STYXL2: variants seen among roughly 807,000 people sequenced by gnomAD.
STYXL2 encodes the protein serine/threonine/tyrosine-interacting-like protein 2.
STYXL2 carries 44 observed loss-of-function variants against 52.4 expected under a neutral mutation model. The observed-to-expected ratio is 0.84, with a 90% CI of 0.66 to 1.08. The LOEUF (loss-of-function observed/expected upper bound fraction) is 1.08, where lower values mean the gene tolerates loss of function less well. Among genes scored for constraint, STYXL2 ranks in the 50% least tolerant of loss-of-function variants. The probability of loss-of-function intolerance (pLI) is 0.00; values close to 1 mark genes in which losing one functional copy is unlikely to be tolerated. For synonymous variants in STYXL2, 604 were observed against 586.9 expected, an observed-to-expected ratio of 1.03 and a Z score of -0.42; for missense variants, 1,604 against 1,471.7, an observed-to-expected ratio of 1.09 and a Z score of -1.47.
chr1:167,107,137 G>A (rs1281693613), intron 2 of STYXL2, among the ~76,000 whole-genome samples: 7 of 152,192 alleles, frequency 4.6e-5, no homozygotes, highest in African/African-American at 1.4e-4. Flanking sequence ...AGCAGGGACT[G>A]TTGACCAGTG....
chr1:167,099,511 A>G (rs897846794), intron 2 of STYXL2, among the ~76,000 whole-genome samples: 2 of 152,248 alleles, frequency 1.3e-5, no homozygotes, highest in Admixed American at 6.5e-5. Context: ...CTGAACATAG[A>G]AGAATAAAGG....
chr1:167,128,567 G>GC lies in STYXL2; in HGVS notation c.3436_3437insC (p.Glu1146AlafsTer29). 1.2e-6 allele frequency: 2 copies of GC among 1,613,618 alleles called. No individual in the cohort carries two copies. The highest frequency in any genetic ancestry group is 1.7e-6 in the Non-Finnish European group (2 of 1,180,000). ...CATTGCTGCTTGGAGACGCCGGCAA[G>GC]AAGAAACCAGGACCAAGCTGCAGAA... On this transcript the variant is annotated frameshift_variant, in exon 6 of 6. Transcript: ENST00000361200. LOFTEE classifies it high-confidence loss of function.
Position 167,117,620 on chromosome 1 carries a change from A to T in STYXL2, c.437+61A>T. 2.1e-6 allele frequency: 3 copies of T among 1,462,030 alleles called. No individual in the cohort carries two copies. The South Asian group carries it at 3.8e-5, about 19-fold the overall frequency. 90.6% of individuals were successfully genotyped at this position (1,462,030 alleles called of 1,614,324 possible). On this transcript the variant is annotated intron_variant, in intron 4 of 5. Transcript: ENST00000361200. ...ACCCTCTGGTTAGTGCCTGAGACAG[A>T]CGAAACTCCCCCAACTTTCACCAAA...
At chr1:167,104,168 C>A (rs186116287) in intron 2 of STYXL2, among the ~76,000 whole-genome samples, 1 of 150,844 alleles carries the variant, frequency 6.6e-6, no homozygotes, top group African/African-American at 2.4e-5. Context: ...CTCTGCCCGT[C>A]CCCCCACCCC....
rs1667798250 is a variant in STYXL2, at chr1:167,119,309, T to C, written c.498T>C (p.Ala166=). 5.6e-6 allele frequency: 9 copies of C among 1,614,224 alleles called. No individual in the cohort carries two copies. Among genetic ancestry groups the C allele is most frequent in the Non-Finnish European group, 6.8e-6 (8 of 1,180,036 alleles). Residue 166 remains alanine (A), a synonymous_variant, in exon 5 of 6, where the codon GCT becomes GCC. Coordinates refer to ENST00000361200, the MANE Select transcript of STYXL2 (RefSeq NM_001080426.3). ...TGGGAATCACCCACATTCTGAATGC[T>C]GCGCATGGCACCGGCGTTTACACTG... ...KRLGITHILN[A]AHGTGVYTGP...
chr1:167,096,857 G>A (rs934591360), intron 2 of STYXL2, among the ~76,000 whole-genome samples: 2 of 152,128 alleles, frequency 1.3e-5, no homozygotes, highest in African/African-American at 4.8e-5. Context: ...CCTAAGTGAG[G>A]CAACTCAAAA....
intron 2 of STYXL2, among the ~76,000 whole-genome samples, chr1:167,110,656 A>G (rs1485831404): frequency 1.3e-5 from 2 of 152,222 alleles, no homozygotes; most frequent in East Asian, 1.9e-4. Flanking sequence ...GTGAGAATTA[A>G]CAATAGTAAT....
At position 167,126,833 on chromosome 1, in the gene STYXL2, G is replaced by C. The variant is rs146837441; in HGVS notation, c.1702G>C (p.Gly568Arg). ...AGACTTGGGAGCGGGAGACAGCAGC[G>C]GTGAGCCCGGTGCAGAGGAGGCAGT... ...KKDLGAGDSS[G>R]EPGAEEAVGE... The change falls in exon 6 of 6, where the codon GGT (glycine) becomes CGT (arginine). Residue 568 changes from glycine (G) to arginine (R), a missense_variant. By Grantham distance (125) the Gly-to-Arg change is moderately radical. Coordinates refer to ENST00000361200, the MANE Select transcript of STYXL2 (RefSeq NM_001080426.3). 6.2e-7 allele frequency: 1 copy of C among 1,614,100 alleles called. No individual in the cohort carries two copies.
At chr1:167,113,679 C>T in intron 2 of STYXL2, 31 bp from the exon 3 acceptor site, 1 of 1,522,242 alleles carries the variant, frequency 6.6e-7, no homozygotes, top group Non-Finnish European at 9.1e-7. Context: ...ATGCTACAGG[C>T]TTATCTCACG....
rs539933187 is a variant in STYXL2, at chr1:167,114,000, A to G, written c.205+196A>G. On this transcript the variant is annotated intron_variant, in intron 3 of 5. Transcript: ENST00000361200. Reference sequence around the variant, plus strand: ...ATGGAAGTGGAAATAATTATGCATCAGTGTGAACAGGGACAACCAGAGAGG... The same window carrying G: ...ATGGAAGTGGAAATAATTATGCATCGGTGTGAACAGGGACAACCAGAGAGG... 3.9e-5 allele frequency among the ~76,000 whole-genome samples: 6 copies of G among 152,300 alleles called. No individual in the cohort carries two copies. The South Asian group carries it at 1.0e-3, about 26-fold the overall frequency.
At chr1:167,109,832 T>C (rs1160018247) in intron 2 of STYXL2, among the ~76,000 whole-genome samples, 3 of 152,194 alleles carry the variant, frequency 2.0e-5, no homozygotes, top group African/African-American at 4.8e-5. Context: ...CAACAGCTAA[T>C]TCTATCATCT....
chr1:167,104,790 C>A (rs1273804770), intron 2 of STYXL2, among the ~76,000 whole-genome samples: 1 of 152,176 alleles, frequency 6.6e-6, no homozygotes, highest in Non-Finnish European at 1.5e-5. Flanking sequence ...AAAGCCCAAT[C>A]AAGAAAGACA....
chr1:167,107,675 T>C (rs1027028505), intron 2 of STYXL2, among the ~76,000 whole-genome samples: 11 of 152,312 alleles, frequency 7.2e-5, no homozygotes, highest in East Asian at 1.9e-4. Flanking sequence ...CTATGAAACA[T>C]TTACTGTGTG....
At chr1:167,104,538 C>T (rs1008993622) in intron 2 of STYXL2, among the ~76,000 whole-genome samples, 2 of 152,114 alleles carry the variant, frequency 1.3e-5, no homozygotes, top group East Asian at 1.9e-4. Flanking sequence ...TCTGTGTTTT[C>T]GTTATGTTTC....
intron 3 of STYXL2, among the ~76,000 whole-genome samples, chr1:167,115,569 A>G (rs1036897292): frequency 2.0e-5 from 3 of 152,204 alleles, no homozygotes; most frequent in Admixed American, 6.5e-5. Flanking sequence ...GCCGAGGAAG[A>G]CAACACCGTG....
chr1:167,126,510 C>G lies in STYXL2; in HGVS notation c.1379C>G (p.Pro460Arg), dbSNP rs922481006. 2.5e-6 allele frequency: 4 copies of G among 1,612,026 alleles called. No homozygotes were observed. Among genetic ancestry groups the G allele is most frequent in the Admixed American group, 1.7e-5 (1 of 59,702 alleles). ...VLKQQLELNRPDHGRRRRADS... is the reference protein window; with the variant it reads ...VLKQQLELNRRDHGRRRRADS... ...AAGCAGCAGCTGGAGCTGAACCGCC[C>G]GGACCACGGCAGGAGGCGCCGCGCA... Residue 460 changes from proline to arginine, a missense_variant, in exon 6 of 6, where the codon CCG becomes CGG. Physicochemically the swap from Pro to Arg is moderately radical, Grantham distance 103. Coordinates refer to ENST00000361200, the MANE Select transcript of STYXL2 (RefSeq NM_001080426.3).
At chr1:167,106,930 C>T (rs1304414052) in intron 2 of STYXL2, among the ~76,000 whole-genome samples, 1 of 152,180 alleles carries the variant, frequency 6.6e-6, no homozygotes, top group Non-Finnish European at 1.5e-5. Flanking sequence ...TCTATTGGTG[C>T]TTAACAAATT....
chr1:167,117,256 T>C (rs985979220), intron 3 of STYXL2, 72 bp from the exon 4 acceptor site: 13 of 1,356,690 alleles, frequency 9.6e-6, no homozygotes, highest in Non-Finnish European at 1.3e-5. Flanking sequence ...GCCAAGAGCA[T>C]GTTCTCCCCA....
intron 3 of STYXL2, among the ~76,000 whole-genome samples, chr1:167,115,708 G>C (rs561017573): frequency 1.3e-5 from 2 of 152,212 alleles, no homozygotes; most frequent in Non-Finnish European, 2.9e-5. Flanking sequence ...GAGAAAACTG[G>C]GTAGTGGAGA....
Sources: gnomAD v4.1 joint callset for allele counts (sites outside exome capture counted in the v4.1 genomes callset) on GRCh38, gnomAD v4.1.1 for gene constraint, MANE v1.5 for transcripts, NCBI Gene and HGNC (gene_info 2026-07-23, HGNC 2026-07-21) for gene names.